CXADR: variants seen among roughly 807,000 people sequenced by gnomAD.
CXADR encodes the protein CXADR cell adhesion molecule.
CXADR carries 20 observed loss-of-function variants against 40.3 expected under a neutral mutation model. The observed-to-expected ratio is 0.50, with a 90% CI of 0.35 to 0.72. CXADR has a LOEUF of 0.72. Among genes scored for constraint, CXADR ranks in the 30% least tolerant of loss-of-function variants. The probability of loss-of-function intolerance (pLI) is 0.01; values close to 1 mark genes in which losing one functional copy is unlikely to be tolerated. For missense variants in CXADR, 332 were observed against 449.1 expected (o/e 0.74, Z 2.36); for synonymous variants, 150 against 161.3 (o/e 0.93, Z 0.53).
chr21:17,561,344 A>G lies in CXADR; in HGVS notation c.701A>G (p.Asn234Ser), dbSNP rs778263762. Residue 234 changes from asparagine (N) to serine (S), a missense_variant, in exon 6 of 7, where the codon AAT becomes AGT. By Grantham distance (46) the Asn-to-Ser change is conservative (BLOSUM62 1). Around this residue, in one of 3 missense-constraint regions of CXADR, gnomAD observed 150 missense variants for 194.2 expected, o/e 0.77. Coordinates refer to ENST00000284878, the MANE Select transcript of CXADR (RefSeq NM_001338.5). ...LLRLNVVPPSNKAGLIAGAII... is the reference protein window; with the variant it reads ...LLRLNVVPPSSKAGLIAGAII... ...TTAATTCTTCTTATTTTAGCTTCAA[A>G]TAAAGCTGGACTAATTGCAGGAGCC... is the stretch of plus-strand genomic sequence containing the variant. 22 of 1,565,330 alleles carry G rather than the reference A, an allele frequency of 1.4e-5. No individual in the cohort carries two copies. Among genetic ancestry groups the G allele is most frequent in the Non-Finnish European group, 1.8e-5 (21 of 1,155,258 alleles).
chr21:17,584,700 G>A (rs188615057), intron 7 of CXADR, among the ~76,000 whole-genome samples: 3 of 152,098 alleles, frequency 2.0e-5, no homozygotes, highest in East Asian at 1.9e-4. Flanking sequence ...ACATGGTGGC[G>A]GGCACCTGTA....
At chr21:17,590,664 A>G in intron 7 of CXADR, among the ~76,000 whole-genome samples, 1 of 152,194 alleles carries the variant, frequency 6.6e-6, no homozygotes, top group Non-Finnish European at 1.5e-5. Context: ...CCATTGCAAT[A>G]GATTCCAGAG....
the CXADR span, among the ~76,000 whole-genome samples, chr21:17,619,738 G>A: frequency 6.6e-6 from 1 of 150,630 alleles, no homozygotes. Flanking sequence ...CTGCTGTTTA[G>A]TGTAGTCACC....
At chr21:17,594,517 G>A (rs571230538), downstream of CXADR, among the ~76,000 whole-genome samples, 1 of 152,102 alleles carries the variant, frequency 6.6e-6, no homozygotes, top group African/African-American at 2.4e-5. Flanking sequence ...TATAACAGGT[G>A]ACCAATGTTT....
At chr21:17,547,295 A>T in intron 2 of CXADR, 102 bp downstream of exon 2, 1 of 1,509,804 alleles carries the variant, frequency 6.6e-7, no homozygotes, top group East Asian at 2.3e-5. Context: ...GGAGCTAGGA[A>T]GGAAGCCCCC....
exon 8 of CXADR, chr21:17,593,213 C>T: frequency 1.4e-6 from 2 of 1,424,772 alleles, no homozygotes; most frequent in East Asian, 2.6e-5. Context: ...ACTGAAGAAT[C>T]TGAAGTATTG....
intron 6 of CXADR, among the ~76,000 whole-genome samples, chr21:17,564,877 G>T (rs1338136024): frequency 5.9e-5 from 9 of 152,134 alleles, no homozygotes. Flanking sequence ...TGGGATTACA[G>T]GCACCTGCCA....
chr21:17,528,068 C>CTTTTTTTTTT (rs35477813), intron 1 of CXADR, among the ~76,000 whole-genome samples: 11 of 78,352 alleles, frequency 1.4e-4, no homozygotes, highest in African/African-American at 4.1e-4. Context: ...TTAGTTCTTT[C>CTTTTTTTTTT]TTTTTTTTTT....
At chr21:17,630,845 T>C in the CXADR span, among the ~76,000 whole-genome samples, 2 of 152,112 alleles carry the variant, frequency 1.3e-5, no homozygotes, top group Non-Finnish European at 2.9e-5. Flanking sequence ...AAGGTAATTA[T>C]GGGAGCAAAG....
At chr21:17,604,214 G>T in the CXADR span, 1 of 871,118 alleles carries the variant, frequency 1.1e-6, no homozygotes, top group Non-Finnish European at 1.6e-6. Context: ...AGGCCAAGGC[G>T]GGCGGATCAC....
intron 1 of CXADR, among the ~76,000 whole-genome samples, chr21:17,518,093 C>T (rs751245729): frequency 1.2e-4 from 19 of 152,134 alleles, no homozygotes; most frequent in Non-Finnish European, 2.8e-4. Flanking sequence ...ACTCACTTTC[C>T]ATTAATTCTG....
At chr21:17,514,103 G>A (rs1050891167) in intron 1 of CXADR, among the ~76,000 whole-genome samples, 1 of 152,166 alleles carries the variant, frequency 6.6e-6, no homozygotes, top group African/African-American at 2.4e-5. Context: ...GATCTTGTTT[G>A]TCAAACTAAG....
chr21:17,596,257 T>C (rs924555464), downstream of CXADR, among the ~76,000 whole-genome samples: 60 of 152,168 alleles, frequency 3.9e-4, no homozygotes, highest in African/African-American at 1.3e-3. Flanking sequence ...TTCTTAATGG[T>C]TTCTTTGATG....
downstream of CXADR, among the ~76,000 whole-genome samples, chr21:17,570,685 T>C (rs552588885): frequency 2.6e-5 from 4 of 152,248 alleles, no homozygotes; most frequent in South Asian, 8.3e-4. Flanking sequence ...AGCATAATGG[T>C]GAGATTTGGG....
chr21:17,546,452 C>T (rs983501304), intron 1 of CXADR, among the ~76,000 whole-genome samples: 28 of 152,198 alleles, frequency 1.8e-4, no homozygotes, highest in African/African-American at 6.5e-4. Context: ...GGGGAGGCCT[C>T]AGGAAACTTA....
chr21:17,571,120 C>T (rs149976560), downstream of CXADR, among the ~76,000 whole-genome samples: 69 of 152,274 alleles, frequency 4.5e-4, no homozygotes, highest in East Asian at 0.01. Context: ...TTGAGAACCA[C>T]GGATTTATAC....
At chr21:17,563,692 A>G (rs958416242) in intron 6 of CXADR, among the ~76,000 whole-genome samples, 1 of 152,094 alleles carries the variant, frequency 6.6e-6, no homozygotes, top group Non-Finnish European at 1.5e-5. Flanking sequence ...CTGTAATCCC[A>G]GCACTTAGGG....
intron 4 of CXADR, among the ~76,000 whole-genome samples, chr21:17,559,669 G>GTTTTTTTTTTTTTTTTTTTTTTTTTT (rs1447996912): frequency 3.6e-5 from 1 of 27,890 alleles, no homozygotes; most frequent in African/African-American, 1.3e-4. Flanking sequence ...TTTTTTTTGG[G>GTTTTTTTTTTTTTTTTTTTTTTTTTT]TTTTTTTTTT....
chr21:17,534,565 C>T (rs1223313498), intron 1 of CXADR, among the ~76,000 whole-genome samples: 1 of 152,044 alleles, frequency 6.6e-6, no homozygotes, highest in Admixed American at 6.6e-5. Flanking sequence ...TAGGGTCTGG[C>T]AGAGGGGGAA....
Sources: allele counts gnomAD v4.1 joint callset (sites outside exome capture counted in the v4.1 genomes callset), GRCh38; gene constraint gnomAD v4.1.1; regional missense constraint gnomAD v4.1.1; transcripts MANE v1.5; gene names NCBI Gene and HGNC (gene_info 2026-07-23, HGNC 2026-07-21).